GSS: variants seen among roughly 807,000 people sequenced by gnomAD.
GSS encodes the protein glutathione synthetase.
A neutral mutation model predicts 60.4 loss-of-function variants in GSS; 34 were observed. The ratio of observed to expected loss-of-function variants is 0.56; its 90% confidence interval spans 0.43 to 0.75. The LOEUF is 0.75. GSS is among the 30% of genes least tolerant of loss of function. The probability of loss-of-function intolerance (pLI) is 0.00; values close to 1 mark genes in which losing one functional copy is unlikely to be tolerated. For missense variants in GSS, 499 were observed against 595.1 expected, an observed-to-expected ratio of 0.84 and a Z score of 1.68; for synonymous variants, 224 against 239.0, an observed-to-expected ratio of 0.94 and a Z score of 0.58.
rs547213195 is a variant in GSS at position 34,940,748 on chromosome 20, C to T, written c.608+965G>A. Among the ~76,000 whole-genome samples, 18 of 152,258 alleles carry T rather than the reference C, an allele frequency of 1.2e-4. No individual in the cohort carries two copies. In the South Asian group the frequency reaches 2.3e-3, roughly 19 times the overall value. On this transcript the variant is annotated intron_variant, in intron 6 of 12. Transcript: ENST00000651619. ...AACATTGCAATAACTGTTAGTATAGCGGCCCCTCGATGATCTGAAAATCAC... is the reference window on the plus strand; with the variant it reads ...AACATTGCAATAACTGTTAGTATAGTGGCCCCTCGATGATCTGAAAATCAC...
In GSS at chr20:34,942,524, A is replaced by G; in HGVS notation, c.455T>C (p.Phe152Ser). The change falls in exon 5 of 13, where the codon TTT (phenylalanine) becomes TCT (serine). Residue 152 changes from phenylalanine to serine, a missense_variant. Physicochemically the swap from Phe to Ser is radical, Grantham distance 155 (BLOSUM62 -2). Transcript: ENST00000651619. The stretch of plus-strand genomic sequence containing the variant: ...TGGGGTCCGGGAGGCCAGGCCCCCA[A>G]AGCTGGCAGAGATGGTGTTGATTTC... ...QIEINTISAS[F>S]GGLASRTPAV... 1 of 1,614,080 alleles carries G rather than the reference A, an allele frequency of 6.2e-7. No individual in the cohort carries two copies. The highest frequency in any genetic ancestry group is 8.5e-7 in the Non-Finnish European group (1 of 1,179,960).
intron 9 of GSS, 29 bp from the exon 10 acceptor site, chr20:34,932,162 C>T (rs201846917): frequency 4.0e-5 from 63 of 1,578,178 alleles, no homozygotes; most frequent in Non-Finnish European, 5.1e-5. Context: ...AAAAGGAATT[C>T]GACTTTATTT....
intron 4 of GSS, 113 bp downstream of exon 4, chr20:34,942,818 A>G: frequency 2.2e-6 from 2 of 917,186 alleles, no homozygotes; most frequent in Non-Finnish European, 3.5e-6. Context: ...AGGACCAGTG[A>G]GAGGCAGATT....
At chr20:34,944,171 T>C (rs1289994764) in intron 3 of GSS, among the ~76,000 whole-genome samples, 2 of 152,202 alleles carry the variant, frequency 1.3e-5, no homozygotes, top group Admixed American at 6.5e-5. Context: ...TGAGACACAC[T>C]TTCCTTTTTC....
intron 2 of GSS, among the ~76,000 whole-genome samples, chr20:34,948,222 T>C (rs2081538098): frequency 6.6e-6 from 1 of 152,186 alleles, no homozygotes; most frequent in Non-Finnish European, 1.5e-5. Context: ...GCAGATTACA[T>C]AAGGGGTGAC....
chr20:34,940,051 C>G (rs2081470723), intron 6 of GSS, among the ~76,000 whole-genome samples: 1 of 152,154 alleles, frequency 6.6e-6, no homozygotes, highest in African/African-American at 2.4e-5. Flanking sequence ...TCATTTAATT[C>G]TCACTAACAC....
At chr20:34,951,932 G>A (rs1044435221) in intron 1 of GSS, 72 bp from the exon 2 acceptor site, 19 of 1,539,158 alleles carry the variant, frequency 1.2e-5, no homozygotes, top group Non-Finnish European at 1.4e-5. Context: ...ACTGGCTGGC[G>A]GCCACCCCCA....
At chr20:34,946,185 G>T in intron 2 of GSS, 87 bp from the exon 3 acceptor site, 1 of 1,191,606 alleles carries the variant, frequency 8.4e-7, no homozygotes. Context: ...GGAAAGTCTG[G>T]CCTATATTTA....
chr20:34,952,885 G>A (rs1476013792), intron 1 of GSS: 2 of 152,164 alleles, frequency 1.3e-5, no homozygotes, highest in African/African-American at 4.8e-5. Context: ...CATGAAATGC[G>A]AATAAGGTGA....
chr20:34,938,288 G>A (rs1158484895), intron 6 of GSS, among the ~76,000 whole-genome samples: 1 of 152,140 alleles, frequency 6.6e-6, no homozygotes, highest in African/African-American at 2.4e-5. Flanking sequence ...AGCCTCTCTT[G>A]TCTATCTCTG....
Position 34,942,954 on chromosome 20 carries a change from C to A in GSS, c.328G>T (p.Val110Phe), listed in dbSNP as rs1437467529. ...ACCTGGGCAATGCCCTCTTTTAGGA[C>A]TTGCTTGTGGATGTCAAAGAGACGA... ...TARLFDIHKQ[V>F]LKEGIAQTVF... The change falls in exon 4 of 13, where the codon GTC becomes TTC. Residue 110 changes from valine (V) to phenylalanine (F), a missense_variant. Val to Phe is a conservative substitution (Grantham distance 50). Transcript: ENST00000651619. 1.9e-6 allele frequency: 3 copies of A among 1,610,510 alleles called. No homozygotes were observed. The Admixed American group carries it at 5.0e-5, about 27-fold the overall frequency.
At chr20:34,951,934 C>A in intron 1 of GSS, 74 bp from the exon 2 acceptor site, 15 of 1,502,492 alleles carry the variant, frequency 1.0e-5, no homozygotes, top group Non-Finnish European at 1.4e-5. Context: ...TGGCTGGCGG[C>A]CACCCCCAAC....
At position 34,937,017 on chromosome 20, in the gene GSS, C is replaced by T. The variant is rs779352530; in HGVS notation, c.615G>A (p.Leu205=). The part of the protein sequence containing the change: ...AWELYGSPNA[L]VLLIAQEKER... ...CCTTCTCTTGAGCAATCAGTAGCAC[C>T]AGAGCACTGGGGAAAGAGCACAGGT... The change falls in exon 7 of 13, where the codon CTG becomes CTA. Residue 205 remains leucine, a synonymous_variant. Coordinates refer to ENST00000651619, the MANE Select transcript of GSS (RefSeq NM_000178.4). 1.9e-6 allele frequency: 3 copies of T among 1,612,818 alleles called. No individual in the cohort carries two copies. The highest frequency in any genetic ancestry group is 2.7e-5 in the African/African-American group (2 of 74,856).
rs2081382983 is a variant in GSS, at chr20:34,929,578, T to C, written c.1124A>G (p.Tyr375Cys). Residue 375 changes from tyrosine (Y) to cysteine (C), a missense_variant, in exon 12 of 13, where the codon TAT becomes TGT. By Grantham distance (194) the Tyr-to-Cys change is radical. Transcript: ENST00000651619. Reference protein sequence around the residue: ...PQREGGGNNLYGEEMVQALKQ... With the variant: ...PQREGGGNNLCGEEMVQALKQ... ...CAGGGCCTGTACCATTTCCTCCCCA[T>C]ATAGGTTGTTACCTGCAATGAAACT... 1 of 1,613,860 alleles carries C rather than the reference T, an allele frequency of 6.2e-7. No homozygotes were observed. The highest frequency in any genetic ancestry group is 2.2e-5 in the East Asian group (1 of 44,872).
At position 34,941,751 on chromosome 20, in the gene GSS, C is replaced by T. The variant is rs368595742; in HGVS notation, c.570G>A (p.Leu190=). 1 of 1,611,596 alleles carries T rather than the reference C, an allele frequency of 6.2e-7. No individual in the cohort carries two copies. The highest frequency in any genetic ancestry group is 2.2e-5 in the East Asian group (1 of 44,870). Residue 190 remains leucine (L), a synonymous_variant, in exon 6 of 13, where the codon CTG becomes CTA. Transcript: ENST00000651619. The part of the protein sequence containing the change: ...LSNNPSKGLA[L]GIAKAWELYG... ...AGAGCTCCCAGGCTTTGGCAATTCC[C>T]AGGGCCAGTCCCTTGCTGGGATTAT... is the stretch of plus-strand genomic sequence containing the variant.
At position 34,929,653 on chromosome 20, in the gene GSS, C is replaced by A; in HGVS notation, c.1112-63G>T. On this transcript the variant is annotated intron_variant, in intron 11 of 12. Coordinates refer to ENST00000651619, the MANE Select transcript of GSS (RefSeq NM_000178.4). ...CTACCTCCTCCATCCCATGCCCTCA[C>A]TTTTGGGGCCACATGGGCAAGTCAG... The A allele has an allele frequency of 3.5e-6, 5 of 1,436,364 alleles. No homozygotes were observed. In the South Asian group the frequency reaches 5.7e-5, roughly 16 times the overall value. 89.0% of individuals were successfully genotyped at this position (1,436,364 alleles called of 1,614,324 possible).
chr20:34,944,522 T>A (rs1450120983), intron 3 of GSS, among the ~76,000 whole-genome samples: 1 of 152,184 alleles, frequency 6.6e-6, no homozygotes, highest in African/African-American at 2.4e-5. Flanking sequence ...CCACACATTT[T>A]TAAAAGATTT....
intron 11 of GSS, 32 bp downstream of exon 11, chr20:34,931,304 T>C (rs1167857219): frequency 6.5e-7 from 1 of 1,542,554 alleles, no homozygotes; most frequent in East Asian, 2.2e-5. Context: ...GTCCCTCTCA[T>C]TGAGGAGCCC....
intron 11 of GSS, among the ~76,000 whole-genome samples, chr20:34,930,153 C>T (rs1296033950): frequency 1.3e-5 from 2 of 151,794 alleles, no homozygotes; most frequent in Admixed American, 1.3e-4. Context: ...GTAGTCCCAG[C>T]TACTCAGGAG....
Sources: gnomAD v4.1 joint callset for allele counts (sites outside exome capture counted in the v4.1 genomes callset) on GRCh38, gnomAD v4.1.1 for gene constraint, MANE v1.5 for transcripts, NCBI Gene and HGNC (gene_info 2026-07-23, HGNC 2026-07-21) for gene names.